Variants in DMD observed in about 807,000 individuals in gnomAD.
DMD encodes the protein mutant dystrophin.
A neutral mutation model predicts 330.1 loss-of-function variants in DMD; 63 were observed. That is an observed-to-expected ratio of 0.19 (90% CI 0.16 to 0.24). The LOEUF (loss-of-function observed/expected upper bound fraction) is 0.24. DMD is among the 10% of genes least tolerant of loss of function. The probability of loss-of-function intolerance (pLI) is 1.00; values close to 1 mark genes in which losing one functional copy is unlikely to be tolerated. For synonymous variants in DMD, 1,223 were observed against 959.8 expected (o/e 1.27, Z -5.07); for missense variants, 3,344 against 2,684.1 (o/e 1.25, Z -5.43).
At chrX:32,614,932 T>C (rs1406707386) in intron 11 of DMD, among the ~76,000 whole-genome samples, 1 of 110,706 alleles carries the variant, frequency 9.0e-6, no homozygotes, top group Non-Finnish European at 1.9e-5. Flanking sequence ...ATTCCAAGTG[T>C]AGGCTATAAA....
Position 32,088,677 on chromosome X carries a change from AGTGTGT to A in DMD, c.6439-120169_6439-120164del, listed in dbSNP as rs34596391. The stretch of plus-strand genomic sequence containing the variant: ...AATATTTAAATGAAAATAGCTCTGA[AGTGTGT>A]GTGTGTGTGTGTGTGTGTGTGTGTG... On this transcript the variant is annotated intron_variant, in intron 44 of 78. Coordinates refer to ENST00000357033, the MANE Select transcript of DMD (RefSeq NM_004006.3). 8.5e-3 allele frequency among the ~76,000 whole-genome samples: 831 copies of A among 97,308 alleles called. 3 individuals carry two copies. The highest frequency in any genetic ancestry group is 0.015 in the African/African-American group (395 of 26,148). 84.5% of individuals were successfully genotyped at this position (97,308 alleles called of 115,157 possible).
chrX:31,788,653 T>G (rs767719243), intron 50 of DMD, among the ~76,000 whole-genome samples: 149 of 111,508 alleles, frequency 1.3e-3, no homozygotes, highest in African/African-American at 4.8e-3. Context: ...TTCTGTCTAT[T>G]GTTGAATTTG....
chrX:32,130,834 C>T (rs1197338543), intron 44 of DMD, among the ~76,000 whole-genome samples: 1 of 112,174 alleles, frequency 8.9e-6, no homozygotes, highest in Non-Finnish European at 1.9e-5. Flanking sequence ...ATTCCAGTTA[C>T]ACTCTACCAC....
chrX:32,223,625 G>A (rs1569551780), intron 43 of DMD, among the ~76,000 whole-genome samples: 1 of 111,323 alleles, frequency 9.0e-6, no homozygotes, highest in East Asian at 2.8e-4. Context: ...GTGCCAAATG[G>A]ATTTCACTCC....
intron 61 of DMD, chrX:31,348,210 T>C (rs893218794): frequency 8.2e-6 from 2 of 244,728 alleles, no homozygotes; most frequent in South Asian, 1.2e-4. Flanking sequence ...GCAGCCCATA[T>C]ACTAACATTG....
intron 2 of DMD, 49 bp from the exon 3 acceptor site, chrX:32,849,869 A>G: frequency 1.1e-6 from 1 of 919,065 alleles, no homozygotes; most frequent in South Asian, 2.0e-5. Context: ...ACTTCCAATG[A>G]TACATTTTCA....
chrX:31,786,348 G>C (rs1425974781), intron 50 of DMD, among the ~76,000 whole-genome samples: 1 of 111,400 alleles, frequency 9.0e-6, no homozygotes, highest in Admixed American at 9.6e-5. Context: ...TTTTAAAAGG[G>C]AATTCATAGA....
intron 63 of DMD, among the ~76,000 whole-genome samples, chrX:31,254,337 A>ACCC (rs201996687): frequency 8.5e-5 from 9 of 106,060 alleles, no homozygotes; most frequent in Admixed American, 7.1e-4. Flanking sequence ...TAATTAAGAG[A>ACCC]CCCCCCCCCA....
intron 44 of DMD, among the ~76,000 whole-genome samples, chrX:32,181,164 T>C (rs2096925861): frequency 9.0e-6 from 1 of 111,653 alleles, no homozygotes; most frequent in Non-Finnish European, 1.9e-5. Flanking sequence ...GTGCTGGAAA[T>C]TGCCCCAACC....
intron 11 of DMD, among the ~76,000 whole-genome samples, chrX:32,632,257 A>T (rs1232943202): frequency 8.9e-6 from 1 of 111,815 alleles, no homozygotes; most frequent in East Asian, 2.9e-4. Context: ...AACTGGTGGG[A>T]GTGGTGTGCT....
At chrX:32,646,805 T>C (rs747283425) in intron 9 of DMD, among the ~76,000 whole-genome samples, 9 of 111,969 alleles carry the variant, frequency 8.0e-5, no homozygotes, top group Non-Finnish European at 1.9e-5. Context: ...CATCAAATGA[T>C]GCACTCTTTT....
At chrX:33,013,161 C>T (rs954799574) in intron 2 of DMD, among the ~76,000 whole-genome samples, 6 of 110,478 alleles carry the variant, frequency 5.4e-5, no homozygotes, top group Non-Finnish European at 1.1e-4. Context: ...GTTTTAGAGT[C>T]CATTTTCTTG....
intron 54 of DMD, 50 bp downstream of exon 54, chrX:31,657,940 C>T (rs778409546): frequency 1.7e-5 from 20 of 1,159,268 alleles, no homozygotes; most frequent in Non-Finnish European, 2.2e-5. Context: ...CCAGTTTCAC[C>T]ACCCCATTAT....
intron 2 of DMD, among the ~76,000 whole-genome samples, chrX:32,896,214 C>G (rs142283456): frequency 2.7e-5 from 3 of 111,266 alleles, no homozygotes; most frequent in Non-Finnish European, 3.8e-5. Context: ...TCTGCTGTAG[C>G]CTGCTTAATT....
At chrX:31,877,702 C>T (rs772813032) in intron 47 of DMD, among the ~76,000 whole-genome samples, 3 of 109,714 alleles carry the variant, frequency 2.7e-5, no homozygotes, top group South Asian at 7.8e-4. Flanking sequence ...TGTGCACGCA[C>T]GCGCGCACAC....
intron 30 of DMD, among the ~76,000 whole-genome samples, chrX:32,411,371 C>T (rs956304521): frequency 1.8e-5 from 2 of 110,836 alleles, no homozygotes; most frequent in Non-Finnish European, 3.8e-5. Flanking sequence ...CATTGTGATT[C>T]GTGGGCCTCA....
chrX:31,351,746 C>CAAAAAAAAAAAAAAAAAAAAAAAAAA (rs1300313892), intron 60 of DMD, among the ~76,000 whole-genome samples: 1 of 71,560 alleles, frequency 1.4e-5, no homozygotes, highest in African/African-American at 5.7e-5. Context: ...AAAAAAAAAG[C>CAAAAAAAAAAAAAAAAAAAAAAAAAA]AAAAAAGGAG....
intron 47 of DMD, among the ~76,000 whole-genome samples, chrX:31,925,457 C>T (rs970847889): frequency 9.0e-6 from 1 of 110,711 alleles, no homozygotes; most frequent in Non-Finnish European, 1.9e-5. Flanking sequence ...AAAGGGGACA[C>T]AAAATAAAAA....
At chrX:31,753,700 AATG>A (rs1392128206) in intron 51 of DMD, among the ~76,000 whole-genome samples, 7 of 111,955 alleles carry the variant, frequency 6.3e-5, no homozygotes, top group African/African-American at 1.9e-4. Context: ...GAATTTTTAA[AATG>A]ATGATGTTGC....
Sources: gnomAD v4.1 joint callset for allele counts (sites outside exome capture counted in the v4.1 genomes callset) on GRCh38, gnomAD v4.1.1 for gene constraint, MANE v1.5 for transcripts, NCBI Gene and HGNC (gene_info 2026-07-23, HGNC 2026-07-21) for gene names.